Variants in SYT14 observed in about 807,000 individuals in gnomAD.
SYT14 encodes the protein synaptotagmin 14.
SYT14 carries 32 observed loss-of-function variants against 74.2 expected under a neutral mutation model. The ratio of observed to expected loss-of-function variants is 0.43; its 90% CI spans 0.33 to 0.58. The LOEUF is 0.58. Among genes scored for constraint, SYT14 ranks in the 20% least tolerant of loss-of-function variants. The pLI, the probability that SYT14 is intolerant of heterozygous loss-of-function variation, is 0.05. For missense variants in SYT14, 791 were observed against 981.8 expected, an observed-to-expected ratio of 0.81 and a Z score of 2.60; for synonymous variants, 298 against 337.7, an observed-to-expected ratio of 0.88 and a Z score of 1.29.
intron 2 of SYT14, among the ~76,000 whole-genome samples, chr1:210,006,069 T>C (rs1384800075): frequency 6.6e-6 from 1 of 151,906 alleles, no homozygotes; most frequent in East Asian, 1.9e-4. Flanking sequence ...AGAGGGCATT[T>C]TTTTTCCCTA....
chr1:210,103,562 AAAAAAAG>A (rs1360104858), intron 7 of SYT14, among the ~76,000 whole-genome samples: 22 of 151,630 alleles, frequency 1.5e-4, no homozygotes, highest in Admixed American at 9.9e-4. Flanking sequence ...AAAAAAAAAA[AAAAAAAG>A]AGTTTAACAT....
At chr1:210,150,033 GC>G (rs1314889822) in intron 7 of SYT14, among the ~76,000 whole-genome samples, 2 of 152,172 alleles carry the variant, frequency 1.3e-5, no homozygotes, top group African/African-American at 4.8e-5. Context: ...CCTGTATTAT[GC>G]TGAAGCGGAC....
intron 2 of SYT14, among the ~76,000 whole-genome samples, chr1:209,971,283 G>T (rs139731629): frequency 6.6e-6 from 1 of 152,062 alleles, no homozygotes; most frequent in East Asian, 1.9e-4. Flanking sequence ...GAGTGTTTTC[G>T]TGGAGTCTTT....
chr1:210,135,559 T>G (rs999936625), intron 7 of SYT14, among the ~76,000 whole-genome samples: 2 of 152,248 alleles, frequency 1.3e-5, no homozygotes, highest in African/African-American at 4.8e-5. Flanking sequence ...TTCTATCATC[T>G]GTTTAGTTTC....
chr1:210,078,944 G>A (rs2081566714), intron 5 of SYT14, among the ~76,000 whole-genome samples: 2 of 151,452 alleles, frequency 1.3e-5, no homozygotes, highest in Non-Finnish European at 1.5e-5. Context: ...TTGTAGAAAC[G>A]AGTTTTCACC....
intron 5 of SYT14, among the ~76,000 whole-genome samples, chr1:210,046,048 T>C: frequency 6.6e-6 from 1 of 152,194 alleles, no homozygotes; most frequent in East Asian, 1.9e-4. Flanking sequence ...TATTTTTAAA[T>C]TGCTTTATGG....
exon 10 of SYT14, chr1:210,167,340 C>CTGTGA (rs1247019374): frequency 6.6e-6 from 1 of 152,204 alleles, no homozygotes; most frequent in Non-Finnish European, 1.5e-5. Context: ...AGCAGTGATT[C>CTGTGA]TGTGACTGCT....
chr1:210,066,628 C>T (rs1345938927), intron 5 of SYT14, among the ~76,000 whole-genome samples: 1 of 152,000 alleles, frequency 6.6e-6, no homozygotes, highest in African/African-American at 2.4e-5. Flanking sequence ...GATGTTAGCC[C>T]GTTGTCAGAT....
chr1:210,133,047 G>A (rs1278792249), intron 7 of SYT14, among the ~76,000 whole-genome samples: 1 of 152,136 alleles, frequency 6.6e-6, no homozygotes, highest in Non-Finnish European at 1.5e-5. Context: ...ATGGTCAGAG[G>A]ACCTTTCTAT....
chr1:210,160,644 A>G (rs2083354274), intron 9 of SYT14, 85 bp from the exon 9 acceptor site: 6 of 1,175,410 alleles, frequency 5.1e-6, no homozygotes, highest in Non-Finnish European at 7.4e-6. Context: ...ATAAAGTATA[A>G]ATACTTAATT....
chr1:210,118,309 CTG>C lies in SYT14; in HGVS notation c.2034+17850_2034+17851del, dbSNP rs1418491025. ...ACAACATTCAAATTCTAAATATTAA[CTG>C]TTATTTCAAAAATTATTTCTTTGGG... On this transcript the variant is annotated intron_variant, in intron 7 of 9. Transcript: ENST00000637265. Among the ~76,000 whole-genome samples the C allele has an allele frequency of 1.1e-4, 17 of 152,248 alleles. 1 individual carries two copies. The highest frequency in any genetic ancestry group is 9.8e-4 in the Admixed American group (15 of 15,290).
intron 5 of SYT14, among the ~76,000 whole-genome samples, chr1:210,087,451 T>G (rs967347548): frequency 4.6e-5 from 7 of 152,180 alleles, no homozygotes; most frequent in East Asian, 3.9e-4. Context: ...GTTGCTCTCC[T>G]TCCTCAATGC....
chr1:210,035,159 T>G (rs1188194058), intron 5 of SYT14, among the ~76,000 whole-genome samples: 1 of 151,758 alleles, frequency 6.6e-6, no homozygotes. Flanking sequence ...TTAATAATAG[T>G]CATTCTGACT....
In SYT14 at chr1:210,155,753, G is replaced by A. The variant is rs1232382752; in HGVS notation, c.2067G>A (p.Met689Ile). The change falls in exon 8 of 10, where the codon ATG (methionine) becomes ATA (isoleucine). Residue 689 changes from methionine to isoleucine, a missense_variant. Transcript: ENST00000637265. ...ACTCCCAAATGAGCGTGTCAGAAATGTCGTGTAGTGAAAGTACATCCTCAT... is the reference window on the plus strand; with the variant it reads ...ACTCCCAAATGAGCGTGTCAGAAATATCGTGTAGTGAAAGTACATCCTCAT... 2 of 1,614,058 alleles carry A rather than the reference G, an allele frequency of 1.2e-6. No individual in the cohort carries two copies. The highest frequency in any genetic ancestry group is 1.7e-6 in the Non-Finnish European group (2 of 1,179,994).
At chr1:210,135,059 C>G (rs2082754034) in intron 7 of SYT14, among the ~76,000 whole-genome samples, 1 of 151,960 alleles carries the variant, frequency 6.6e-6, no homozygotes, top group African/African-American at 2.4e-5. Flanking sequence ...CAGCTCATTG[C>G]AACCTCCACC....
intron 5 of SYT14, among the ~76,000 whole-genome samples, chr1:210,079,316 A>G (rs979757731): frequency 6.6e-6 from 1 of 152,154 alleles, no homozygotes; most frequent in Admixed American, 6.5e-5. Context: ...ATCACACAAT[A>G]TAACAATTAT....
At chr1:210,043,421 T>A (rs2080829960) in intron 5 of SYT14, among the ~76,000 whole-genome samples, 1 of 129,336 alleles carries the variant, frequency 7.7e-6, no homozygotes. Context: ...AGTTTTGGAA[T>A]CTTTGTTTTA....
chr1:209,978,988 G>A (rs375107316), intron 2 of SYT14, among the ~76,000 whole-genome samples: 7 of 152,200 alleles, frequency 4.6e-5, no homozygotes, highest in Admixed American at 1.3e-4. Flanking sequence ...CTCCGTGGGC[G>A]TAGGACCCTC....
chr1:209,990,968 A>T (rs1284290567), intron 2 of SYT14, among the ~76,000 whole-genome samples: 1 of 152,166 alleles, frequency 6.6e-6, no homozygotes, highest in Non-Finnish European at 1.5e-5. Context: ...GAGAACCCAG[A>T]AATAAAGCCC....
Sources: allele counts gnomAD v4.1 joint callset (sites outside exome capture counted in the v4.1 genomes callset), GRCh38; gene constraint gnomAD v4.1.1; transcripts MANE v1.5; gene names NCBI Gene and HGNC (gene_info 2026-07-23, HGNC 2026-07-21).